The following BICC1 variants were observed in gnomAD, a reference collection of about 807,000 sequenced individuals.
The protein encoded by BICC1 is protein bicaudal C homolog 1.
BICC1 carries 43 observed loss-of-function variants against 111.0 expected under a neutral mutation model. That is an observed-to-expected ratio of 0.39 (90% CI 0.30 to 0.50). The LOEUF is 0.50. Among genes scored for constraint, BICC1 ranks in the 20% least tolerant of loss-of-function variants. The pLI, the probability that BICC1 is intolerant of heterozygous loss-of-function variation, is 0.88. For synonymous variants in BICC1, 467 were observed against 434.4 expected (o/e 1.07, Z -0.93); for missense variants, 1,091 against 1,203.2 (o/e 0.91, Z 1.38).
chr10:58,639,398 T>TA (rs1227981360), intron 2 of BICC1, among the ~76,000 whole-genome samples: 1 of 408 alleles, frequency 2.5e-3, no homozygotes, highest in Non-Finnish European at 0.017. Flanking sequence ...GCCATTTAAA[T>TA]TTTTTTTTTT....
intron 2 of BICC1, among the ~76,000 whole-genome samples, chr10:58,686,308 C>A (rs1839724073): frequency 6.6e-6 from 1 of 152,196 alleles, no homozygotes; most frequent in Admixed American, 6.5e-5. Flanking sequence ...TTTTTTCCTT[C>A]ATTTCAACTT....
At chr10:58,667,854 AAT>A (rs1023375163) in intron 2 of BICC1, among the ~76,000 whole-genome samples, 15 of 152,042 alleles carry the variant, frequency 9.9e-5, no homozygotes, top group African/African-American at 3.4e-4. Context: ...GGTGATCTTA[AAT>A]CTCTCTAAAC....
chr10:58,615,979 T>TGCA (rs934610492), intron 1 of BICC1, among the ~76,000 whole-genome samples: 5 of 152,114 alleles, frequency 3.3e-5, no homozygotes, highest in Non-Finnish European at 2.9e-5. Flanking sequence ...CCCTGAGGGA[T>TGCA]GCAGCAGAAG....
At chr10:58,583,071 C>T (rs1844325211) in intron 1 of BICC1, among the ~76,000 whole-genome samples, 1 of 152,122 alleles carries the variant, frequency 6.6e-6, no homozygotes, top group Non-Finnish European at 1.5e-5. Flanking sequence ...ACTTAGTCTT[C>T]CTCTAGTGTT....
intron 2 of BICC1, among the ~76,000 whole-genome samples, chr10:58,657,997 A>C (rs918050208): frequency 8.4e-6 from 1 of 118,594 alleles, no homozygotes; most frequent in Non-Finnish European, 1.7e-5. Context: ...CTTAGGAAAA[A>C]TTGTGTCAAT....
At chr10:58,689,346 A>G (rs1017843227) in intron 2 of BICC1, among the ~76,000 whole-genome samples, 1 of 152,206 alleles carries the variant, frequency 6.6e-6, no homozygotes, top group Admixed American at 6.5e-5. Context: ...TGTGGCCCAG[A>G]TTGGATCACG....
Position 58,601,277 on chromosome 10 carries a change from T to C in BICC1, c.191-19578T>C, listed in dbSNP as rs74723887. Among the ~76,000 whole-genome samples the C allele has an allele frequency of 3.3e-3, 502 of 150,964 alleles. 5 individuals are homozygous for C. Among genetic ancestry groups the C allele is most frequent in the African/African-American group, 0.012 (482 of 41,346 alleles). ...AATGTTCCTAGTTTTTATGTGTTTA[T>C]TTAAAGAATAATAGTTACAATCATG... On this transcript the variant is annotated intron_variant, in intron 1 of 20. Transcript: ENST00000373886.
intron 18 of BICC1, among the ~76,000 whole-genome samples, chr10:58,814,667 C>A (rs900510443): frequency 1.3e-5 from 2 of 149,014 alleles, no homozygotes; most frequent in Non-Finnish European, 3.0e-5. Context: ...GGTATGCATG[C>A]GCCAATAGTC....
intron 2 of BICC1, among the ~76,000 whole-genome samples, chr10:58,673,061 G>A (rs1007994754): frequency 2.6e-5 from 4 of 152,126 alleles, no homozygotes; most frequent in African/African-American, 9.7e-5. Context: ...TGTCTTTCTA[G>A]CTCTCCCTTG....
At chr10:58,667,577 T>G (rs1280026398) in intron 2 of BICC1, among the ~76,000 whole-genome samples, 9 of 152,130 alleles carry the variant, frequency 5.9e-5, no homozygotes, top group Non-Finnish European at 1.2e-4. Context: ...AGCTCCTTTT[T>G]TCTTAAACCA....
intron 3 of BICC1, among the ~76,000 whole-genome samples, chr10:58,783,122 G>C (rs897763716): frequency 6.6e-6 from 1 of 152,156 alleles, no homozygotes; most frequent in Admixed American, 6.5e-5. Context: ...GTGTCCCTGT[G>C]ACAGGTTAAG....
At chr10:58,681,158 C>A (rs187091463) in intron 2 of BICC1, among the ~76,000 whole-genome samples, 48 of 152,284 alleles carry the variant, frequency 3.2e-4, no homozygotes, top group African/African-American at 1.1e-3. Flanking sequence ...GCAACAAAAG[C>A]CAAAATTGAC....
At chr10:58,694,573 A>C (rs910363045) in intron 2 of BICC1, among the ~76,000 whole-genome samples, 1 of 152,188 alleles carries the variant, frequency 6.6e-6, no homozygotes. Context: ...AGCGTGGACT[A>C]TCTGTATTGA....
At chr10:58,795,514 A>G (rs1236855014) in intron 9 of BICC1, among the ~76,000 whole-genome samples, 1 of 152,204 alleles carries the variant, frequency 6.6e-6, no homozygotes, top group African/African-American at 2.4e-5. Context: ...CCAGGAGTTC[A>G]GTAAGAAATG....
At chr10:58,689,202 G>T (rs1213601264) in intron 2 of BICC1, among the ~76,000 whole-genome samples, 1 of 152,154 alleles carries the variant, frequency 6.6e-6, no homozygotes, top group Admixed American at 6.5e-5. Flanking sequence ...TGGCTCATGG[G>T]TGGAGCCTGT....
rs180742879 is a variant in BICC1 at position 58,598,487 on chromosome 10, C to T, written c.191-22368C>T. On this transcript the variant is annotated intron_variant, in intron 1 of 20. Transcript: ENST00000373886. ...AAACTGAAACTGGACCCCTTCTTTA[C>T]ACCTATACAAAAATCAACTCAAGCT... 3.5e-3 allele frequency among the ~76,000 whole-genome samples: 531 copies of T among 152,214 alleles called. 5 individuals carry two copies. Among genetic ancestry groups the T allele is most frequent in the Admixed American group, 0.012 (184 of 15,280 alleles).
chr10:58,827,441 C>CA (rs1052318063), intron 20 of BICC1, among the ~76,000 whole-genome samples: 20 of 151,408 alleles, frequency 1.3e-4, no homozygotes, highest in South Asian at 6.3e-4. Flanking sequence ...GTGGATATGG[C>CA]AAAAAAAATA....
In BICC1 at chr10:58,828,920, C is replaced by T. The variant is rs1177827619; in HGVS notation, c.*29C>T. ...CACCCTCTTGGCACATGCCCGCTGA[C>T]TAACTGTAAAGTGGACACAGGAGAT... On this transcript the variant is annotated 3_prime_UTR_variant, in exon 21 of 21. Transcript: ENST00000373886. 6.2e-7 allele frequency: 1 copy of T among 1,612,556 alleles called. No individual in the cohort carries two copies. The highest frequency in any genetic ancestry group is 8.5e-7 in the Non-Finnish European group (1 of 1,179,222).
chr10:58,719,512 CT>C (rs61590839), intron 3 of BICC1, among the ~76,000 whole-genome samples: 140,079 of 146,902 alleles, frequency 0.95, 67,085 homozygotes, highest in Middle Eastern at 1. Flanking sequence ...GGGCACTTTT[CT>C]TTTTTTTTTT....
Sources: gnomAD v4.1 joint callset for allele counts (sites outside exome capture counted in the v4.1 genomes callset) on GRCh38, gnomAD v4.1.1 for gene constraint, MANE v1.5 for transcripts, NCBI Gene and HGNC (gene_info 2026-07-23, HGNC 2026-07-21) for gene names.